NRG3: variants seen among roughly 807,000 people sequenced by gnomAD.
The protein encoded by NRG3 is pro-neuregulin-3, membrane-bound isoform.
A neutral mutation model predicts 66.9 loss-of-function variants in NRG3; 31 were observed. That is an observed-to-expected ratio of 0.46 (90% confidence interval 0.35 to 0.63). The LOEUF is 0.63. Among genes scored for constraint, NRG3 ranks in the 20% least tolerant of loss-of-function variants. The pLI is 0.00. For missense variants in NRG3, 910 were observed against 878.9 expected, an observed-to-expected ratio of 1.04 and a Z score of -0.45; for synonymous variants, 393 against 359.4, an observed-to-expected ratio of 1.09 and a Z score of -1.06.
intron 2 of NRG3, among the ~76,000 whole-genome samples, chr10:82,664,674 G>A (rs2052623992): frequency 6.6e-6 from 1 of 151,998 alleles, no homozygotes; most frequent in Admixed American, 6.6e-5. Flanking sequence ...CATAAAATTT[G>A]ATGGAATATG....
chr10:82,263,780 T>C (rs752512879), intron 1 of NRG3, among the ~76,000 whole-genome samples: 2 of 152,190 alleles, frequency 1.3e-5, no homozygotes, highest in Non-Finnish European at 2.9e-5. Context: ...CCAAGAGCAC[T>C]AGTATTCACA....
intron 4 of NRG3, among the ~76,000 whole-genome samples, chr10:82,934,119 A>G (rs1421978732): frequency 6.6e-6 from 1 of 152,258 alleles, no homozygotes; most frequent in African/African-American, 2.4e-5. Flanking sequence ...TCAGAAATAC[A>G]AAATAAAAGA....
At chr10:82,030,302 G>A (rs11192218) in intron 1 of NRG3, among the ~76,000 whole-genome samples, 4,270 of 152,184 alleles carry the variant, frequency 0.028, 220 homozygotes, top group African/African-American at 0.097. Context: ...AAACATCACA[G>A]TGGGTGAAGT....
intron 4 of NRG3, among the ~76,000 whole-genome samples, chr10:82,891,889 T>C (rs948537363): frequency 3.9e-5 from 6 of 152,110 alleles, no homozygotes; most frequent in African/African-American, 1.2e-4. Flanking sequence ...CCTTGAATTA[T>C]GATTTTGCTT....
chr10:82,376,946 A>T (rs147234548), intron 2 of NRG3, among the ~76,000 whole-genome samples: 1 of 152,302 alleles, frequency 6.6e-6, no homozygotes, highest in East Asian at 1.9e-4. Context: ...GAATACTAAG[A>T]GTGAAATTAC....
intron 1 of NRG3, among the ~76,000 whole-genome samples, chr10:82,254,093 A>G (rs17657851): frequency 0.11 from 17,070 of 152,164 alleles, 1,008 homozygotes; most frequent in Non-Finnish European, 0.14. Flanking sequence ...TCACTCTTCC[A>G]GTGCTGGGTG....
At chr10:82,954,711 C>A (rs1183368053) in intron 5 of NRG3, among the ~76,000 whole-genome samples, 2 of 150,920 alleles carry the variant, frequency 1.3e-5, no homozygotes, top group Admixed American at 1.3e-4. Context: ...CCTTTTTTTT[C>A]TTTGCTTGAG....
chr10:82,714,303 TA>T (rs200160918), intron 2 of NRG3, among the ~76,000 whole-genome samples: 1,584 of 151,274 alleles, frequency 0.01, 32 homozygotes, highest in African/African-American at 0.037. Flanking sequence ...CTCACCATGT[TA>T]AAAAAAAATG....
At chr10:82,500,067 A>T (rs1844018708) in intron 2 of NRG3, among the ~76,000 whole-genome samples, 1 of 152,192 alleles carries the variant, frequency 6.6e-6, no homozygotes, top group Non-Finnish European at 1.5e-5. Context: ...AGGACAAGAA[A>T]ATAAGGCAGC....
intron 2 of NRG3, among the ~76,000 whole-genome samples, chr10:82,715,507 T>G (rs1275811139): frequency 6.6e-6 from 1 of 152,180 alleles, no homozygotes; most frequent in African/African-American, 2.4e-5. Context: ...ATTTTGTGGT[T>G]TCTATGATTT....
chr10:82,668,871 C>T (rs2053014255), intron 2 of NRG3, among the ~76,000 whole-genome samples: 2 of 152,070 alleles, frequency 1.3e-5, no homozygotes, highest in South Asian at 2.1e-4. Flanking sequence ...TAGATTGCCT[C>T]TATTTTCTGG....
At position 82,834,196 on chromosome 10, in the gene NRG3, C is replaced by T. The variant is rs549338263; in HGVS notation, c.1028-31215C>T. Among the ~76,000 whole-genome samples the T allele has an allele frequency of 2.0e-5, 3 of 152,266 alleles. No homozygotes were observed. The South Asian group carries it at 6.2e-4, about 32-fold the overall frequency. On this transcript the variant is annotated intron_variant, in intron 3 of 8. Transcript: ENST00000372141. Reference sequence around the variant, plus strand: ...TTCAGGCTGTGCCTTCTTTGCTCGTCTCAGCTCTTGGCTCTTCCTAAAAAC... The same window carrying T: ...TTCAGGCTGTGCCTTCTTTGCTCGTTTCAGCTCTTGGCTCTTCCTAAAAAC...
At chr10:82,949,581 G>T (rs190315759) in intron 4 of NRG3, among the ~76,000 whole-genome samples, 1 of 152,132 alleles carries the variant, frequency 6.6e-6, no homozygotes, top group Non-Finnish European at 1.5e-5. Flanking sequence ...CTGGCTGGGT[G>T]TGGTGGCTCA....
intron 2 of NRG3, among the ~76,000 whole-genome samples, chr10:82,676,539 A>G (rs2053697121): frequency 6.6e-6 from 1 of 151,998 alleles, no homozygotes; most frequent in African/African-American, 2.4e-5. Context: ...GCTGGAGTGC[A>G]GTGGCACAAT....
chr10:82,682,432 G>GATAGAT (rs1307148671), intron 2 of NRG3, among the ~76,000 whole-genome samples: 29 of 149,848 alleles, frequency 1.9e-4, no homozygotes, highest in African/African-American at 7.1e-4. Context: ...TAGATAGATA[G>GATAGAT]ATAGATAATA....
At chr10:82,171,294 C>A (rs765450316) in intron 1 of NRG3, among the ~76,000 whole-genome samples, 2 of 152,036 alleles carry the variant, frequency 1.3e-5, no homozygotes, top group African/African-American at 4.8e-5. Context: ...TCCTTACTAG[C>A]AAGGTTTTTC....
intron 5 of NRG3, among the ~76,000 whole-genome samples, chr10:82,953,179 A>C (rs1250336246): frequency 6.6e-6 from 1 of 151,966 alleles, no homozygotes; most frequent in Non-Finnish European, 1.5e-5. Flanking sequence ...CAATTTCTGA[A>C]CACTTACTCT....
intron 4 of NRG3, among the ~76,000 whole-genome samples, chr10:82,933,021 C>G (rs773979264): frequency 2.6e-5 from 4 of 152,064 alleles, no homozygotes; most frequent in Non-Finnish European, 5.9e-5. Context: ...TTCCAGAAAT[C>G]TTTAAATGAG....
At chr10:82,922,916 C>T (rs1057098732) in intron 4 of NRG3, among the ~76,000 whole-genome samples, 1 of 152,204 alleles carries the variant, frequency 6.6e-6, no homozygotes, top group Non-Finnish European at 1.5e-5. Context: ...TTTGACACCT[C>T]CTCCTCTCTC....
Sources: gnomAD v4.1 joint callset for allele counts (sites outside exome capture counted in the v4.1 genomes callset) on GRCh38, gnomAD v4.1.1 for gene constraint, MANE v1.5 for transcripts, NCBI Gene and HGNC (gene_info 2026-07-23, HGNC 2026-07-21) for gene names.